The following DMXL2 variants were observed in gnomAD, a reference collection of about 807,000 sequenced individuals.
DMXL2 encodes Dmx like 2, also known as dmX-like protein 2.
In DMXL2, 103 loss-of-function variants were observed where a neutral mutation model predicts 331.1. The observed-to-expected ratio is 0.31, with a 90% CI of 0.27 to 0.37. The LOEUF (loss-of-function observed/expected upper bound fraction) is 0.37. Among genes scored for constraint, DMXL2 ranks in the 10% least tolerant of loss-of-function variants. The probability of loss-of-function intolerance (pLI) is 1.00; values close to 1 mark genes in which losing one functional copy is unlikely to be tolerated. For missense variants in DMXL2, 3,171 were observed against 3,642.9 expected (o/e 0.87, Z 3.33); for synonymous variants, 1,281 against 1,252.1 (o/e 1.02, Z -0.49).
At chr15:51,501,918 T>TA (rs2043646839) in intron 17 of DMXL2, among the ~76,000 whole-genome samples, 1 of 109,846 alleles carries the variant, frequency 9.1e-6, no homozygotes. Context: ...AAACTCCATC[T>TA]CAAAAAAAAA....
At chr15:51,533,510 G>A (rs2048121482) in intron 13 of DMXL2, among the ~76,000 whole-genome samples, 1 of 151,974 alleles carries the variant, frequency 6.6e-6, no homozygotes, top group Admixed American at 6.6e-5. Flanking sequence ...ACTAAAAACA[G>A]GCAAAAATTC....
intron 13 of DMXL2, among the ~76,000 whole-genome samples, chr15:51,528,256 C>G (rs1410533075): frequency 6.6e-6 from 1 of 152,054 alleles, no homozygotes; most frequent in Admixed American, 6.5e-5. Flanking sequence ...ACTAAATGGA[C>G]TAAATTCTCC....
chr15:51,487,854 G>T, intron 22 of DMXL2, 100 bp downstream of exon 22: 3 of 1,018,132 alleles, frequency 2.9e-6, no homozygotes, highest in Non-Finnish European at 4.1e-6. Flanking sequence ...GTTATTCTGT[G>T]TCCTAACAAA....
intron 31 of DMXL2, 56 bp downstream of exon 31, chr15:51,465,510 A>C: frequency 7.8e-7 from 1 of 1,283,094 alleles, no homozygotes. Context: ...TGTAAAGAGA[A>C]ACTTGACGGC....
At chr15:51,492,764 T>C (rs1430111379) in intron 19 of DMXL2, among the ~76,000 whole-genome samples, 1 of 152,238 alleles carries the variant, frequency 6.6e-6, no homozygotes, top group Non-Finnish European at 1.5e-5. Context: ...AGTAGCCATC[T>C]GTATGAATTC....
At chr15:51,451,124 CTTTGT>C (rs1046186389) in intron 42 of DMXL2, among the ~76,000 whole-genome samples, 9 of 152,142 alleles carry the variant, frequency 5.9e-5, no homozygotes, top group Middle Eastern at 3.4e-3. Context: ...TAAGGTTAAC[CTTTGT>C]TTTATTTTAT....
intron 23 of DMXL2, among the ~76,000 whole-genome samples, chr15:51,485,198 G>C (rs1419954898): frequency 6.6e-6 from 1 of 152,140 alleles, no homozygotes; most frequent in African/African-American, 2.4e-5. Flanking sequence ...TAAAGTAACA[G>C]CCCAAAATTC....
At chr15:51,582,984 A>G (rs750211989) in intron 1 of DMXL2, among the ~76,000 whole-genome samples, 2 of 151,870 alleles carry the variant, frequency 1.3e-5, no homozygotes, top group African/African-American at 2.4e-5. Flanking sequence ...TATCTTTTAT[A>G]TATCTTCTTT....
intron 1 of DMXL2, among the ~76,000 whole-genome samples, chr15:51,581,358 G>A (rs1279312841): frequency 6.6e-6 from 1 of 152,036 alleles, no homozygotes; most frequent in Non-Finnish European, 1.5e-5. Flanking sequence ...CCACAAAACC[G>A]GTCCTTGGTA....
intron 13 of DMXL2, among the ~76,000 whole-genome samples, chr15:51,523,547 A>T (rs1246779853): frequency 6.6e-6 from 1 of 152,372 alleles, no homozygotes; most frequent in Middle Eastern, 3.4e-3. Context: ...TCTTGCAGAC[A>T]TAACTAGTTT....
chr15:51,566,235 GTGTGTGT>G (rs2050273114), intron 3 of DMXL2, among the ~76,000 whole-genome samples: 17 of 1,618 alleles, frequency 0.011, 1 homozygote, highest in East Asian at 0.077. Flanking sequence ...TGTGTGGGGT[GTGTGTGT>G]GTGTGTGTGT....
In DMXL2 at chr15:51,502,493, G is replaced by C. The variant is rs532288218; in HGVS notation, c.2992+313C>G. On this transcript the variant is annotated intron_variant, in intron 17 of 43. Transcript: ENST00000560891. ...ACGTGCCACCACGCCCAACTAATTT[G>C]TGTATTTTTAGTACAGACATGGTTT... Among the ~76,000 whole-genome samples, 13 of 151,954 alleles carry C rather than the reference G, an allele frequency of 8.6e-5. No homozygotes were observed. The South Asian group carries it at 2.7e-3, about 32-fold the overall frequency.
intron 18 of DMXL2, among the ~76,000 whole-genome samples, chr15:51,497,241 G>C (rs2043248802): frequency 6.6e-6 from 1 of 152,142 alleles, no homozygotes. Flanking sequence ...AACCTGCAGA[G>C]AAGAAAACTT....
chr15:51,487,406 T>C (rs2042473946), intron 22 of DMXL2, among the ~76,000 whole-genome samples: 1 of 148,730 alleles, frequency 6.7e-6, no homozygotes, highest in African/African-American at 2.4e-5. Context: ...TTCAGCATTT[T>C]TTTCATATAT....
rs756843698 is a variant in DMXL2, at chr15:51,622,554, C to T, written c.-9G>A. 3 of 1,550,356 alleles carry T rather than the reference C, an allele frequency of 1.9e-6. No individual in the cohort carries two copies. The highest frequency in any genetic ancestry group is 2.6e-6 in the Non-Finnish European group (3 of 1,146,238). The stretch of plus-strand genomic sequence containing the variant: ...ACCTGATGCAGATGCATCTCCGGAG[C>T]CCGGGCTGGACAGAATGCGCGGGAG... On this transcript the variant is annotated 5_prime_UTR_variant, in exon 1 of 44. Coordinates refer to ENST00000560891, the MANE Select transcript of DMXL2 (RefSeq NM_001378457.1).
intron 6 of DMXL2, among the ~76,000 whole-genome samples, chr15:51,560,956 A>G (rs916598767): frequency 1.8e-4 from 27 of 151,018 alleles, no homozygotes; most frequent in African/African-American, 6.5e-4. Flanking sequence ...AACATGTTTT[A>G]TATATACTTT....
At chr15:51,508,146 G>T (rs926684086) in intron 15 of DMXL2, among the ~76,000 whole-genome samples, 1 of 152,060 alleles carries the variant, frequency 6.6e-6, no homozygotes, top group Non-Finnish European at 1.5e-5. Flanking sequence ...ATAGACACAG[G>T]GAGGGGAACA....
At chr15:51,572,108 C>A (rs1373810604) in intron 2 of DMXL2, among the ~76,000 whole-genome samples, 2 of 152,030 alleles carry the variant, frequency 1.3e-5, no homozygotes, top group East Asian at 3.8e-4. Context: ...GGGATATCAC[C>A]AATGATCCCA....
At chr15:51,568,396 G>A in intron 3 of DMXL2, 91 bp downstream of exon 3, 1 of 788,548 alleles carries the variant, frequency 1.3e-6, no homozygotes, top group Non-Finnish European at 2.0e-6. Context: ...TCTATTTTCA[G>A]CACTAGCTCC....
Sources: allele counts gnomAD v4.1 joint callset (sites outside exome capture counted in the v4.1 genomes callset), GRCh38; gene constraint gnomAD v4.1.1; transcripts MANE v1.5; gene names NCBI Gene and HGNC (gene_info 2026-07-23, HGNC 2026-07-21).